GUCY1A1: variants seen among roughly 807,000 people sequenced by gnomAD.
The protein encoded by GUCY1A1 is guanylate cyclase 1 soluble subunit alpha 1.
In GUCY1A1, 48 loss-of-function variants were observed where a neutral mutation model predicts 64.5. That is an observed-to-expected ratio of 0.74 (90% confidence interval 0.59 to 0.95). The LOEUF is 0.95. GUCY1A1 is among the 40% of genes least tolerant of loss of function. The pLI is 0.00. For synonymous variants in GUCY1A1, 308 were observed against 303.4 expected (o/e 1.02, Z -0.16); for missense variants, 804 against 825.3 (o/e 0.97, Z 0.32).
At chr4:155,701,933 A>G (rs961564143) in intron 3 of GUCY1A1, among the ~76,000 whole-genome samples, 1 of 152,234 alleles carries the variant, frequency 6.6e-6, no homozygotes, top group Non-Finnish European at 1.5e-5. Context: ...TAACACCTCT[A>G]TATCTGGCTT....
chr4:155,732,505 T>C lies in GUCY1A1; in HGVS notation c.*2274T>C, dbSNP rs560610797. ...ATTCACAATTTAGATGCTAAAAAAT[T>C]TAAGGAATATCTTTTTTTCTCTATC... On this transcript the variant is annotated 3_prime_UTR_variant, in exon 10 of 10. Coordinates refer to ENST00000506455, the MANE Select transcript of GUCY1A1 (RefSeq NM_001130682.3). Among the ~76,000 whole-genome samples, 9 of 151,962 alleles carry C rather than the reference T, an allele frequency of 5.9e-5. No individual in the cohort carries two copies. Among genetic ancestry groups the C allele is most frequent in the African/African-American group, 2.2e-4 (9 of 41,496 alleles).
intron 2 of GUCY1A1, among the ~76,000 whole-genome samples, chr4:155,695,165 T>C (rs562629996): frequency 2.6e-4 from 40 of 152,296 alleles, no homozygotes; most frequent in African/African-American, 9.4e-4. Flanking sequence ...TCCATAATCT[T>C]CCTCTATACC....
chr4:155,694,494 C>T (rs1730173511), intron 2 of GUCY1A1, among the ~76,000 whole-genome samples: 1 of 152,104 alleles, frequency 6.6e-6, no homozygotes, highest in Non-Finnish European at 1.5e-5. Context: ...AACTTTGCTC[C>T]TATAGTCAAA....
In GUCY1A1 at chr4:155,697,095, G is replaced by A. The variant is rs1159397060; in HGVS notation, c.228G>A (p.Glu76=). 2 of 1,613,398 alleles carry A rather than the reference G, an allele frequency of 1.2e-6. No homozygotes were observed. Among genetic ancestry groups the A allele is most frequent in the Non-Finnish European group, 1.7e-6 (2 of 1,179,514 alleles). ...RSRVYLHTLA[E]SICKLIFPEF... ...GAGTCTATCTTCACACTTTGGCAGA[G>A]AGTATTTGCAAACTGATTTTCCCAG... Residue 76 remains glutamate, a synonymous_variant, in exon 3 of 10, where the codon GAG becomes GAA. Transcript: ENST00000506455.
chr4:155,721,270 A>G (rs139121787), intron 8 of GUCY1A1, among the ~76,000 whole-genome samples: 2 of 152,246 alleles, frequency 1.3e-5, no homozygotes, highest in African/African-American at 2.4e-5. Context: ...TCTCTAAAAA[A>G]TAAATAAAAT....
In GUCY1A1 at chr4:155,730,509, C is replaced by T. The variant is rs2110788147; in HGVS notation, c.*278C>T. ...ACTACCTGTACTCAAAATTCAGCAC[C>T]TTGTACATATATCAGATAATTGTAG... On this transcript the variant is annotated 3_prime_UTR_variant, in exon 10 of 10. Coordinates refer to ENST00000506455, the MANE Select transcript of GUCY1A1 (RefSeq NM_001130682.3). 3.9e-6 allele frequency: 1 copy of T among 255,338 alleles called. No individual in the cohort carries two copies. The highest frequency in any genetic ancestry group is 7.4e-5 in the East Asian group (1 of 13,596). The allele number at this position is 255,338 out of a possible 1,614,324, so 15.8% of individuals were successfully genotyped here.
chr4:155,728,405 G>A (rs571293026), intron 9 of GUCY1A1, among the ~76,000 whole-genome samples: 6 of 151,940 alleles, frequency 3.9e-5, no homozygotes, highest in Admixed American at 2.0e-4. Flanking sequence ...GTTACTATAT[G>A]TGCATGTGAT....
At chr4:155,718,821 T>A (rs1292260874) in intron 8 of GUCY1A1, among the ~76,000 whole-genome samples, 1 of 152,186 alleles carries the variant, frequency 6.6e-6, no homozygotes, top group Non-Finnish European at 1.5e-5. Context: ...ATCACAAGTC[T>A]GCCCAGAAGA....
chr4:155,688,793 A>AAAAAC (rs1560924810), intron 2 of GUCY1A1, among the ~76,000 whole-genome samples: 1 of 151,666 alleles, frequency 6.6e-6, no homozygotes, highest in African/African-American at 2.4e-5. Flanking sequence ...AAAAAAGAAA[A>AAAAAC]AAAACAAAAC....
At chr4:155,676,227 T>A (rs1048853944) in intron 2 of GUCY1A1, among the ~76,000 whole-genome samples, 3 of 150,452 alleles carry the variant, frequency 2.0e-5, no homozygotes, top group Non-Finnish European at 2.9e-5. Context: ...ATAGGGTGTA[T>A]TGGGCAACAA....
At chr4:155,672,295 C>A (rs1342571224) in intron 2 of GUCY1A1, among the ~76,000 whole-genome samples, 1 of 152,158 alleles carries the variant, frequency 6.6e-6, no homozygotes, top group East Asian at 1.9e-4. Context: ...TTAACATCTT[C>A]ATCCAAGTAA....
intron 6 of GUCY1A1, 172 bp downstream of exon 6, chr4:155,711,423 T>C (rs1004627761): frequency 1.7e-5 from 8 of 466,550 alleles, no homozygotes; most frequent in Non-Finnish European, 3.0e-5. Flanking sequence ...CTTTCTGCAT[T>C]TGTTTGCTTA....
Position 155,697,033 on chromosome 4 carries a change from C to T in GUCY1A1, c.166C>T (p.Gln56Ter). ...TCAAGACATTCCTGAGAAGAACATACAAGAAAGTCTTCCTCAAAGAAAAAC... is the reference window on the plus strand; with the variant it reads ...TCAAGACATTCCTGAGAAGAACATATAAGAAAGTCTTCCTCAAAGAAAAAC... ...ICQDIPEKNI[Q>*]ESLPQRKTSR... Residue 56 changes from glutamine to a stop codon, truncating the protein, a stop_gained, in exon 3 of 10, where the codon CAA (glutamine) becomes TAA (stop). Transcript: ENST00000506455. LOFTEE classifies it high-confidence loss of function. 3 of 1,612,978 alleles carry T rather than the reference C, an allele frequency of 1.9e-6. No individual in the cohort carries two copies. The highest frequency in any genetic ancestry group is 1.1e-5 in the South Asian group (1 of 91,066).
intron 3 of GUCY1A1, among the ~76,000 whole-genome samples, chr4:155,702,460 C>T (rs931238125): frequency 2.6e-5 from 4 of 152,044 alleles, no homozygotes; most frequent in African/African-American, 9.7e-5. Flanking sequence ...CTTCCTTTTT[C>T]CTTGATGAGA....
In GUCY1A1 at chr4:155,710,916, C is replaced by G; in HGVS notation, c.751C>G (p.Pro251Ala). 6.2e-7 allele frequency: 1 copy of G among 1,614,004 alleles called. No homozygotes were observed. Among genetic ancestry groups the G allele is most frequent in the South Asian group, 1.1e-5 (1 of 91,070 alleles). ...TGATTGCAGCGAGTTTGTGAATCAG[C>G]CCTACTTGTTGTACTCCGTTCACAT... ...HNDCSEFVNQ[P>A]YLLYSVHMKS... is the part of the protein sequence containing the mutation. The change falls in exon 6 of 10, where the codon CCC becomes GCC. Residue 251 changes from proline to alanine, a missense_variant. Pro to Ala is a conservative substitution (Grantham distance 27). Coordinates refer to ENST00000506455, the MANE Select transcript of GUCY1A1 (RefSeq NM_001130682.3).
At chr4:155,706,974 T>C (rs573883558) in intron 4 of GUCY1A1, among the ~76,000 whole-genome samples, 1 of 152,350 alleles carries the variant, frequency 6.6e-6, no homozygotes, top group East Asian at 1.9e-4. Context: ...GTGCAGTAAT[T>C]GCATGAAGAA....
intron 8 of GUCY1A1, among the ~76,000 whole-genome samples, chr4:155,719,222 GA>G (rs1456825857): frequency 6.6e-6 from 1 of 152,102 alleles, no homozygotes; most frequent in East Asian, 1.9e-4. Flanking sequence ...TAGTTTAAAA[GA>G]CCTATAAAGG....
At chr4:155,729,068 A>C (rs1233001170) in intron 9 of GUCY1A1, among the ~76,000 whole-genome samples, 7 of 151,870 alleles carry the variant, frequency 4.6e-5, no homozygotes, top group African/African-American at 1.7e-4. Flanking sequence ...TGGTTTCTTC[A>C]ATACATAGAT....
Position 155,666,970 on chromosome 4 carries a change from G to C in GUCY1A1, c.-187+5G>C, listed in dbSNP as rs1560900974. The C allele has an allele frequency of 6.6e-6, 1 of 152,470 alleles. No individual in the cohort carries two copies. The highest frequency in any genetic ancestry group is 1.5e-5 in the Non-Finnish European group (1 of 68,316). 9.4% of individuals were successfully genotyped at this position (152,470 alleles called of 1,614,324 possible). A position where few individuals can be genotyped will look rare whatever the true frequency, so the allele number is the denominator to read the frequency against. On this transcript the variant is annotated splice_donor_5th_base_variant and intron_variant, in intron 1 of 9. Coordinates refer to ENST00000506455, the MANE Select transcript of GUCY1A1 (RefSeq NM_001130682.3). ...GCCGGGCGTGATCTCACCATGGTGC[G>C]TTTTGGCTGCTACTTTCTTTTTCAG...
Sources: allele counts gnomAD v4.1 joint callset (sites outside exome capture counted in the v4.1 genomes callset), GRCh38; gene constraint gnomAD v4.1.1; transcripts MANE v1.5; gene names NCBI Gene and HGNC (gene_info 2026-07-23, HGNC 2026-07-21).